Variants in TSC2 observed in about 807,000 individuals in gnomAD.
TSC2 encodes the protein tuberin.
TSC2 carries 29 observed loss-of-function variants against 202.2 expected under a neutral mutation model. The observed-to-expected ratio is 0.14, with a 90% CI of 0.11 to 0.20. The LOEUF (loss-of-function observed/expected upper bound fraction) is 0.20, where lower values mean the gene tolerates loss of function less well. TSC2 is among the 10% of genes least tolerant of loss of function. The probability of loss-of-function intolerance (pLI) is 1.00; values close to 1 mark genes in which losing one functional copy is unlikely to be tolerated. For missense variants in TSC2, 2,429 were observed against 2,420.0 expected (o/e 1.00, Z -0.08); for synonymous variants, 1,349 against 1,044.0 (o/e 1.29, Z -5.63).
In TSC2 at chr16:2,088,630, G is replaced by A. The variant is rs373380255; in HGVS notation, c.*20G>A. On this transcript the variant is annotated 3_prime_UTR_variant, in exon 42 of 42. Coordinates refer to ENST00000219476, the MANE Select transcript of TSC2 (RefSeq NM_000548.5). ...GTGTGAGGCCGGGGCCCTCCCTCCTGCACTGGCCTTGGACGGTATTGCCTG... is the reference window on the plus strand; with the variant it reads ...GTGTGAGGCCGGGGCCCTCCCTCCTACACTGGCCTTGGACGGTATTGCCTG... 5.0e-6 allele frequency: 8 copies of A among 1,596,504 alleles called. No individual in the cohort carries two copies. The Admixed American group carries it at 1.0e-4, about 20-fold the overall frequency.
chr16:2,088,775 C>A lies in TSC2; in HGVS notation c.*165C>A. The A allele has an allele frequency of 2.1e-6, 2 of 962,976 alleles. No individual in the cohort carries two copies. Among genetic ancestry groups the A allele is most frequent in the African/African-American group, 1.7e-5 (1 of 60,550 alleles). The allele number at this position is 962,976 out of a possible 1,614,324, so 59.7% of individuals were successfully genotyped here. On this transcript the variant is annotated 3_prime_UTR_variant, in exon 42 of 42. Transcript: ENST00000219476. Reference sequence around the variant, plus strand: ...CGGGGGTTGGGGGGGTGTCGAGGCTCTAGAAGCGGCCATGCCCACAGAAGT... The same window carrying A: ...CGGGGGTTGGGGGGGTGTCGAGGCTATAGAAGCGGCCATGCCCACAGAAGT...
chr16:2,063,134 G>T, intron 14 of TSC2, 81 bp downstream of exon 14: 1 of 1,490,224 alleles, frequency 6.7e-7, no homozygotes, highest in South Asian at 1.2e-5. Context: ...ACGTGCTCCC[G>T]CAGAGCCGGG....
intron 14 of TSC2, 172 bp downstream of exon 14, chr16:2,063,225 C>T (rs867237099): frequency 1.1e-5 from 9 of 805,996 alleles, no homozygotes; most frequent in African/African-American, 3.4e-5. Context: ...CACTGGCTTG[C>T]TCGTCCTGGG....
chr16:2,069,961 T>G (rs1304917386), intron 16 of TSC2, among the ~76,000 whole-genome samples: 1 of 152,226 alleles, frequency 6.6e-6, no homozygotes, highest in East Asian at 1.9e-4. Flanking sequence ...GTGTTAATCA[T>G]TTCTTTAAAA....
chr16:2,081,574 A>G (rs1250436941), intron 30 of TSC2, 21 bp from the exon 31 acceptor site: 7 of 1,612,826 alleles, frequency 4.3e-6, no homozygotes, highest in Non-Finnish European at 4.2e-6. Flanking sequence ...CCTCAGGCCA[A>G]AGGTGCTGCC....
chr16:2,053,734 C>T (rs745818887), intron 4 of TSC2: 8 of 596,528 alleles, frequency 1.3e-5, no homozygotes, highest in Non-Finnish European at 2.5e-5. Context: ...GTGCTGAGAT[C>T]GTACCTGGCA....
chr16:2,054,630 A>T (rs1036035425), intron 5 of TSC2, 190 bp downstream of exon 5: 1 of 797,426 alleles, frequency 1.3e-6, no homozygotes, highest in Non-Finnish European at 2.1e-6. Flanking sequence ...TTAAAAATGC[A>T]GAGTCCTGGC....
chr16:2,074,508 T>C, intron 22 of TSC2, 119 bp downstream of exon 22: 2 of 1,296,572 alleles, frequency 1.5e-6, no homozygotes, highest in Non-Finnish European at 2.2e-6. Flanking sequence ...CGCCTTCTGC[T>C]GCCTCAGGGC....
In TSC2 at chr16:2,088,126, C is replaced by T. The variant is rs1420725409; in HGVS notation, c.5147C>T (p.Ala1716Val). The T allele has an allele frequency of 6.2e-7, 1 of 1,612,970 alleles. No homozygotes were observed. The highest frequency in any genetic ancestry group is 8.5e-7 in the Non-Finnish European group (1 of 1,180,000). Residue 1716 changes from alanine to valine, a missense_variant, in exon 40 of 42, where the codon GCC (alanine) becomes GTC (valine). By Grantham distance (64) the Ala-to-Val change is moderately conservative. Transcript: ENST00000219476. ...CTGCCCTTCGTGGCCCGCCAGATGG[C>T]CCTGCACGCAAATGTGAGTGGGGGT... ...RNLPFVARQM[A>V]LHANMASQVH...
intron 22 of TSC2, 160 bp downstream of exon 22, chr16:2,074,549 C>A: frequency 1.1e-6 from 1 of 872,854 alleles, no homozygotes; most frequent in Non-Finnish European, 1.8e-6. Context: ...GCCATGAGTG[C>A]TCTCCTTCCT....
Position 2,089,100 on chromosome 16 carries a change from G to C in TSC2, c.*490G>C, listed in dbSNP as rs1216604235. On this transcript the variant is annotated 3_prime_UTR_variant, in exon 42 of 42. Transcript: ENST00000219476. ...TGATGAGAGTGCCTGGCAGACAGCT[G>C]TGCCCCCAGCACCGGCCCAAGGCCA... is the stretch of plus-strand genomic sequence containing the variant. 1 of 176,776 alleles carries C rather than the reference G, an allele frequency of 5.7e-6. No homozygotes were observed. Among genetic ancestry groups the C allele is most frequent in the Non-Finnish European group, 1.2e-5 (1 of 82,562 alleles). The allele number at this position is 176,776 out of a possible 1,614,324, so 11.0% of individuals were successfully genotyped here. A position where few individuals can be genotyped will look rare whatever the true frequency, so the allele number is the denominator to read the frequency against.
Position 2,056,271 on chromosome 16 carries a change from G to C in TSC2, c.648+27G>C, listed in dbSNP as rs201617383. 1.1e-5 allele frequency: 17 copies of C among 1,613,630 alleles called. No individual in the cohort carries two copies. The South Asian group carries it at 1.9e-4, about 18-fold the overall frequency. Reference sequence around the variant, plus strand: ...TCAGTGCCTCCCCTCCCCAGGGCCGGCCCATTTCACCCTGGTTTCTGGGAG... The same window carrying C: ...TCAGTGCCTCCCCTCCCCAGGGCCGCCCCATTTCACCCTGGTTTCTGGGAG... On this transcript the variant is annotated intron_variant, in intron 7 of 41. Coordinates refer to ENST00000219476, the MANE Select transcript of TSC2 (RefSeq NM_000548.5).
At chr16:2,086,067 G>A in intron 36 of TSC2, 126 bp from the exon 37 acceptor site, 1 of 1,115,466 alleles carries the variant, frequency 9.0e-7, no homozygotes. Flanking sequence ...TGCTGGAATG[G>A]ATGGTCTTGT....
chr16:2,071,655 C>T (rs545493866), intron 18 of TSC2, 39 bp downstream of exon 18: 23 of 1,611,234 alleles, frequency 1.4e-5, no homozygotes, highest in Middle Eastern at 3.3e-4. Context: ...AGGCTCAGGG[C>T]GTCAGAGGCG....
intron 19 of TSC2, 31 bp from the exon 20 acceptor site, chr16:2,072,210 G>T: frequency 6.2e-7 from 1 of 1,613,478 alleles, no homozygotes. Flanking sequence ...GGGTCCAGAA[G>T]GCCCTGTCCT....
At chr16:2,072,149 T>C in intron 19 of TSC2, 92 bp from the exon 20 acceptor site, 1 of 1,601,732 alleles carries the variant, frequency 6.2e-7, no homozygotes. Flanking sequence ...CCCTTGACGC[T>C]GTGCAGCCAC....
chr16:2,076,267 G>A, intron 24 of TSC2, 97 bp downstream of exon 24: 1 of 1,581,140 alleles, frequency 6.3e-7, no homozygotes, highest in East Asian at 2.3e-5. Flanking sequence ...GGCAGGTGGA[G>A]GGCAGTGGGA....
At position 2,088,268 on chromosome 16, in the gene TSC2, T is replaced by G. The variant is rs1748; in HGVS notation, c.5202T>G (p.Asp1734Glu). Residue 1734 changes from aspartate (D) to glutamate (E), a missense_variant, in exon 41 of 42, where the codon GAT (aspartate) becomes GAG (glutamate). Coordinates refer to ENST00000219476, the MANE Select transcript of TSC2 (RefSeq NM_000548.5). Reference sequence around the variant, plus strand: ...ATCATAGCCGCTCCAACCCCACCGATATCTACCCCTCCAAGTGGATTGCCC... The same window carrying G: ...ATCATAGCCGCTCCAACCCCACCGAGATCTACCCCTCCAAGTGGATTGCCC... ...QVHHSRSNPTDIYPSKWIARL... is the reference protein window; with the variant it reads ...QVHHSRSNPTEIYPSKWIARL... 2.0e-5 allele frequency: 31 copies of G among 1,584,920 alleles called. No individual in the cohort carries two copies. The highest frequency in any genetic ancestry group is 1.4e-4 in the African/African-American group (10 of 72,932).
Position 2,088,736 on chromosome 16 carries a change from T to TTGTC in TSC2, c.*129_*132dup, listed in dbSNP as rs960266423. On this transcript the variant is annotated 3_prime_UTR_variant, in exon 42 of 42. Transcript: ENST00000219476. The stretch of plus-strand genomic sequence containing the variant: ...CAGTCAGACAGCTCTTTTATTGACT[T>TTGTC]TGTCTGCTTGGTGCGGGGGTTGGGG... 1.0e-4 allele frequency: 133 copies of TTGTC among 1,335,124 alleles called. No homozygotes were observed. Among genetic ancestry groups the TTGTC allele is most frequent in the Admixed American group, 2.6e-4 (12 of 45,696 alleles). The allele number at this position is 1,335,124 out of a possible 1,614,324, so 82.7% of individuals were successfully genotyped here. A position where few individuals can be genotyped will look rare whatever the true frequency, so the allele number is the denominator to read the frequency against.
Sources: gnomAD v4.1 joint callset for allele counts (sites outside exome capture counted in the v4.1 genomes callset) on GRCh38, gnomAD v4.1.1 for gene constraint, MANE v1.5 for transcripts, NCBI Gene and HGNC (gene_info 2026-07-23, HGNC 2026-07-21) for gene names.